The following RNF216 variants were observed in gnomAD, a reference collection of about 807,000 sequenced individuals.
The protein encoded by RNF216 is E3 ubiquitin-protein ligase RNF216.
RNF216 carries 72 observed loss-of-function variants against 110.8 expected under a neutral mutation model. That is an observed-to-expected ratio of 0.65 (90% confidence interval 0.54 to 0.79). The LOEUF is 0.79. Among genes scored for constraint, RNF216 ranks in the 30% least tolerant of loss-of-function variants. The pLI is 0.00. For synonymous variants in RNF216, 495 were observed against 407.5 expected (o/e 1.21, Z -2.59); for missense variants, 1,342 against 1,141.2 (o/e 1.18, Z -2.54).
chr7:5,646,543 A>C (rs188558191), intron 14 of RNF216, among the ~76,000 whole-genome samples: 453 of 151,934 alleles, frequency 3.0e-3, no homozygotes, highest in Non-Finnish European at 5.2e-3. Flanking sequence ...AATACAAAAA[A>C]TTAGCTGGGT....
intron 13 of RNF216, among the ~76,000 whole-genome samples, chr7:5,689,604 G>A (rs1249565227): frequency 1.3e-5 from 2 of 152,076 alleles, no homozygotes; most frequent in African/African-American, 2.4e-5. Flanking sequence ...GTAGTTTTAG[G>A]GCTGTAATTA....
chr7:5,722,789 A>AG (rs1239090881), intron 8 of RNF216, among the ~76,000 whole-genome samples: 3 of 151,984 alleles, frequency 2.0e-5, no homozygotes, highest in Non-Finnish European at 2.9e-5. Flanking sequence ...TGGGAGGCCA[A>AG]GGAGGGCACA....
rs989697020 is a variant in RNF216 at position 5,622,584 on chromosome 7, CAGA to C, written c.*273_*275del. ...TCTATGGCCTATGCCATGGACAAGG[CAGA>C]AGGACTGCCGTTGGTGGCCTGGGGG... is the stretch of plus-strand genomic sequence containing the variant. On this transcript the variant is annotated 3_prime_UTR_variant, in exon 17 of 17. Coordinates refer to ENST00000389902, the MANE Select transcript of RNF216 (RefSeq NM_207111.4). 1.0e-4 allele frequency: 46 copies of C among 455,708 alleles called. No individual in the cohort carries two copies. Among genetic ancestry groups the C allele is most frequent in the Non-Finnish European group, 1.6e-4 (40 of 254,042 alleles). The allele number at this position is 455,708 out of a possible 1,614,324, so 28.2% of individuals were successfully genotyped here. A position where few individuals can be genotyped will look rare whatever the true frequency, so the allele number is the denominator to read the frequency against.
intron 5 of RNF216, among the ~76,000 whole-genome samples, chr7:5,736,011 T>G (rs1794374842): frequency 6.6e-6 from 1 of 152,184 alleles, no homozygotes; most frequent in Non-Finnish European, 1.5e-5. Context: ...GAGAATCACT[T>G]GAACCTGGGA....
intron 2 of RNF216, among the ~76,000 whole-genome samples, chr7:5,753,887 C>A (rs770721279): frequency 3.9e-5 from 6 of 151,998 alleles, no homozygotes; most frequent in African/African-American, 9.7e-5. Context: ...CCCAGCTATT[C>A]AGGAGGCTGA....
chr7:5,761,710 C>T (rs1233394143), intron 1 of RNF216, among the ~76,000 whole-genome samples: 1 of 151,508 alleles, frequency 6.6e-6, no homozygotes, highest in African/African-American at 2.4e-5. Flanking sequence ...CGCTTGAACC[C>T]GGGAGGCTGA....
chr7:5,692,510 C>T (rs1791398230), intron 13 of RNF216, among the ~76,000 whole-genome samples: 2 of 152,148 alleles, frequency 1.3e-5, no homozygotes, highest in African/African-American at 4.8e-5. Flanking sequence ...ACTTCTGGTC[C>T]AAGGTTTCTC....
chr7:5,779,649 C>T (rs998888908), intron 1 of RNF216, among the ~76,000 whole-genome samples: 6 of 108,882 alleles, frequency 5.5e-5, no homozygotes, highest in Non-Finnish European at 9.1e-5. Flanking sequence ...AGCTAGACTC[C>T]GTCTCTTAAA....
intron 4 of RNF216, 75 bp downstream of exon 4, chr7:5,740,898 T>C: frequency 7.0e-7 from 1 of 1,436,376 alleles, no homozygotes; most frequent in Admixed American, 2.4e-5. Flanking sequence ...AACTTTTTTT[T>C]TTGCAATGAA....
At position 5,756,632 on chromosome 7, in the gene RNF216, T is replaced by C. The variant is rs1795657962; in HGVS notation, c.68-3653A>G. On this transcript the variant is annotated intron_variant, in intron 2 of 16. Coordinates refer to ENST00000389902, the MANE Select transcript of RNF216 (RefSeq NM_207111.4). Reference sequence around the variant, plus strand: ...CTGGGTTTGTTTTTGTTTTGTTTTTTGTTTTTGCGACAGGGTCGCTCTCTG... The same window carrying C: ...CTGGGTTTGTTTTTGTTTTGTTTTTCGTTTTTGCGACAGGGTCGCTCTCTG... 9.8e-5 allele frequency among the ~76,000 whole-genome samples: 15 copies of C among 152,316 alleles called. No homozygotes were observed. The South Asian group carries it at 3.1e-3, about 32-fold the overall frequency.
chr7:5,766,437 T>C (rs1796212818), intron 1 of RNF216, among the ~76,000 whole-genome samples: 1 of 151,352 alleles, frequency 6.6e-6, no homozygotes, highest in African/African-American at 2.4e-5. Context: ...CTGTGGGAGG[T>C]GATTAGAATT....
At chr7:5,744,702 T>C (rs550438844) in intron 3 of RNF216, among the ~76,000 whole-genome samples, 3 of 152,276 alleles carry the variant, frequency 2.0e-5, no homozygotes, top group South Asian at 2.1e-4. Flanking sequence ...CTAGGCACGG[T>C]TGGCTTATGC....
rs1468989270 is a variant in RNF216, at chr7:5,680,706, A to G, written c.2062-28196T>C. ...TGTGAGCCACCGCGCCCAGCACTCA[A>G]CACTTCTACTTGGATATCTAAAAGG... On this transcript the variant is annotated intron_variant, in intron 13 of 16. Transcript: ENST00000389902. This position sits in a 1 kb window ranked among gnomAD's most constrained non-coding sequence, Gnocchi z 4.3. 1.3e-5 allele frequency among the ~76,000 whole-genome samples: 2 copies of G among 151,984 alleles called. No homozygotes were observed. The highest frequency in any genetic ancestry group is 4.8e-5 in the African/African-American group (2 of 41,348).
At chr7:5,737,151 A>T (rs1485827973) in intron 5 of RNF216, among the ~76,000 whole-genome samples, 2 of 152,244 alleles carry the variant, frequency 1.3e-5, no homozygotes, top group African/African-American at 4.8e-5. Flanking sequence ...AAGTAGACAT[A>T]GGAGACTCCA....
chr7:5,634,485 G>A (rs530157340), intron 15 of RNF216, among the ~76,000 whole-genome samples: 1 of 152,340 alleles, frequency 6.6e-6, no homozygotes, highest in African/African-American at 2.4e-5. Flanking sequence ...GCTGTCCCCA[G>A]CAACAGGAAG....
At chr7:5,651,929 G>T (rs1025817292) in intron 14 of RNF216, among the ~76,000 whole-genome samples, 4 of 152,198 alleles carry the variant, frequency 2.6e-5, no homozygotes, top group African/African-American at 9.6e-5. Context: ...TTACAGGCGT[G>T]AGCCACTGCG....
At chr7:5,719,976 T>G (rs934254914) in intron 9 of RNF216, among the ~76,000 whole-genome samples, 1 of 152,224 alleles carries the variant, frequency 6.6e-6, no homozygotes, top group Non-Finnish European at 1.5e-5. Context: ...CGGTCAAAAC[T>G]TGGTAAAGTA....
At chr7:5,736,898 G>A (rs1254292614) in intron 5 of RNF216, among the ~76,000 whole-genome samples, 6 of 151,614 alleles carry the variant, frequency 4.0e-5, no homozygotes, top group Admixed American at 6.6e-5. Context: ...CGCCCCGTCC[G>A]GGAAGTGAGG....
chr7:5,716,228 G>GT (rs1793054455), intron 10 of RNF216, among the ~76,000 whole-genome samples: 1 of 152,028 alleles, frequency 6.6e-6, no homozygotes, highest in African/African-American at 2.4e-5. Context: ...GAAAGGGTCA[G>GT]TAGCCAGGTG....
Sources: gnomAD v4.1 joint callset for allele counts (sites outside exome capture counted in the v4.1 genomes callset) on GRCh38, gnomAD v4.1.1 for gene constraint, Gnocchi (gnomAD v3.1) non-coding constraint, MANE v1.5 for transcripts, NCBI Gene and HGNC (gene_info 2026-07-23, HGNC 2026-07-21) for gene names.